The following HELZ variants were observed in gnomAD, a reference collection of about 807,000 sequenced individuals.
HELZ encodes ATP-dependent RNA helicase with zinc finger domain.
HELZ carries 23 observed loss-of-function variants against 218.2 expected under a neutral mutation model. The observed-to-expected ratio is 0.11, with a 90% CI of 0.08 to 0.15. HELZ has a LOEUF of 0.15. Among genes scored for constraint, HELZ ranks in the 10% least tolerant of loss-of-function variants. The pLI is 1.00. For synonymous variants in HELZ, 814 were observed against 829.4 expected (o/e 0.98, Z 0.32); for missense variants, 1,813 against 2,353.7 (o/e 0.77, Z 4.75).
chr17:67,123,438 G>C (rs896078480), intron 25 of HELZ, among the ~76,000 whole-genome samples: 2 of 152,060 alleles, frequency 1.3e-5, no homozygotes, highest in Admixed American at 6.6e-5. Flanking sequence ...TTTCAAGAGA[G>C]AAAGCTATGC....
chr17:67,161,127 G>A (rs2038983496), intron 15 of HELZ, 51 bp from the exon 16 acceptor site: 1 of 1,343,708 alleles, frequency 7.4e-7, no homozygotes, highest in Admixed American at 2.0e-5. Context: ...TTAATAAATA[G>A]AACATAACAC....
intron 5 of HELZ, among the ~76,000 whole-genome samples, chr17:67,213,980 T>C (rs1280163561): frequency 2.0e-5 from 3 of 152,226 alleles, no homozygotes; most frequent in South Asian, 2.1e-4. Context: ...TAAGCACTTA[T>C]GTTTGTCACT....
At chr17:67,244,513 AG>A in intron 1 of HELZ, 1 of 786,002 alleles carries the variant, frequency 1.3e-6, no homozygotes, top group Non-Finnish European at 1.5e-6. Context: ...AGGAATCTCC[AG>A]GAAAAGAGAG....
At chr17:67,232,642 T>C (rs2041068833) in intron 3 of HELZ, among the ~76,000 whole-genome samples, 1 of 152,226 alleles carries the variant, frequency 6.6e-6, no homozygotes, top group South Asian at 2.1e-4. Context: ...TTTTTGACTC[T>C]TCTTACTTGC....
intron 22 of HELZ, among the ~76,000 whole-genome samples, chr17:67,137,121 G>A (rs1408451162): frequency 6.6e-6 from 1 of 152,128 alleles, no homozygotes; most frequent in Non-Finnish European, 1.5e-5. Flanking sequence ...TCTACAGAAA[G>A]TCTAGGTGTA....
intron 27 of HELZ, among the ~76,000 whole-genome samples, chr17:67,119,399 A>C (rs1029120506): frequency 2.6e-5 from 4 of 152,248 alleles, no homozygotes; most frequent in Non-Finnish European, 5.9e-5. Context: ...AAATAATTAT[A>C]GAATTCCATT....
intron 3 of HELZ, among the ~76,000 whole-genome samples, chr17:67,220,661 ATTTTATTTTT>A (rs1310983689): frequency 1.3e-4 from 19 of 151,822 alleles, no homozygotes; most frequent in Non-Finnish European, 2.2e-4. Flanking sequence ...TCGTTATTTT[ATTTTATTTTT>A]GTATTGACAG....
chr17:67,214,269 T>TTG (rs1555625244), intron 5 of HELZ, among the ~76,000 whole-genome samples: 2 of 138,770 alleles, frequency 1.4e-5, no homozygotes, highest in Non-Finnish European at 3.1e-5. Context: ...CTTTTTTTTT[T>TTG]TTTTTTTTTT....
chr17:67,208,820 C>A (rs533755877), intron 5 of HELZ, among the ~76,000 whole-genome samples: 23 of 151,624 alleles, frequency 1.5e-4, no homozygotes, highest in African/African-American at 5.6e-4. Flanking sequence ...GCCTATAGTC[C>A]CAGCTACTTG....
chr17:67,117,569 A>G (rs2037465316), intron 27 of HELZ, among the ~76,000 whole-genome samples: 8 of 138,452 alleles, frequency 5.8e-5, no homozygotes. Context: ...TTTTTTTTTG[A>G]GACAGAGTCT....
chr17:67,125,712 T>C (rs767131554), intron 24 of HELZ, among the ~76,000 whole-genome samples: 3 of 152,118 alleles, frequency 2.0e-5, no homozygotes, highest in Non-Finnish European at 2.9e-5. Context: ...CCTGTGAATA[T>C]GTTATGTGGC....
At chr17:67,228,320 T>C (rs2040945626) in intron 3 of HELZ, among the ~76,000 whole-genome samples, 1 of 152,210 alleles carries the variant, frequency 6.6e-6, no homozygotes, top group South Asian at 2.1e-4. Context: ...AAAAATTGGA[T>C]ATCCACATTT....
chr17:67,198,918 AG>A (rs2040097140), intron 7 of HELZ, among the ~76,000 whole-genome samples: 2 of 152,214 alleles, frequency 1.3e-5, no homozygotes, highest in African/African-American at 4.8e-5. Flanking sequence ...TTCTTCCAAA[AG>A]TATAGTCACA....
intron 13 of HELZ, among the ~76,000 whole-genome samples, chr17:67,175,709 T>G (rs2039436231): frequency 6.6e-6 from 1 of 152,244 alleles, no homozygotes; most frequent in African/African-American, 2.4e-5. Context: ...TATCCAGGGT[T>G]ACCTTTAGGT....
chr17:67,211,523 C>G (rs1225460515), intron 5 of HELZ, among the ~76,000 whole-genome samples: 3 of 152,006 alleles, frequency 2.0e-5, no homozygotes, highest in African/African-American at 7.3e-5. Context: ...TTTATTATAT[C>G]ATTTACTCTA....
chr17:67,101,947 T>A (rs569939360), intron 31 of HELZ, among the ~76,000 whole-genome samples: 8 of 152,336 alleles, frequency 5.3e-5, no homozygotes, highest in African/African-American at 1.7e-4. Context: ...CAGGAGAAGA[T>A]GGCACTTTGC....
chr17:67,232,052 C>CAAAAAAA (rs754429326), intron 3 of HELZ, among the ~76,000 whole-genome samples: 2 of 42,472 alleles, frequency 4.7e-5, no homozygotes, highest in African/African-American at 1.4e-4. Flanking sequence ...GACTCCATCT[C>CAAAAAAA]AAAAAAAAAA....
chr17:67,211,874 G>A (rs915353767), intron 5 of HELZ, among the ~76,000 whole-genome samples: 2 of 151,900 alleles, frequency 1.3e-5, no homozygotes, highest in South Asian at 4.2e-4. Context: ...AAGAAGAAAA[G>A]GGGAAGGGAA....
intron 27 of HELZ, among the ~76,000 whole-genome samples, chr17:67,118,653 T>C (rs2037500000): frequency 8.8e-6 from 1 of 114,014 alleles, no homozygotes; most frequent in South Asian, 2.9e-4. Flanking sequence ...GAGTTCAAGG[T>C]CAGACTGCCC....
Sources: gnomAD v4.1 joint callset for allele counts (sites outside exome capture counted in the v4.1 genomes callset) on GRCh38, gnomAD v4.1.1 for gene constraint, MANE v1.5 for transcripts, NCBI Gene and HGNC (gene_info 2026-07-23, HGNC 2026-07-21) for gene names.